Variants in NOX3 observed in about 807,000 individuals in gnomAD.
The protein encoded by NOX3 is NADPH oxidase catalytic subunit-like 3.
A neutral mutation model predicts 76.7 loss-of-function variants in NOX3; 74 were observed. The ratio of observed to expected loss-of-function variants is 0.96; its 90% CI spans 0.80 to 1.17. The LOEUF is 1.17. Among genes scored for constraint, NOX3 ranks in the 50% most tolerant of loss-of-function variants. The pLI is 0.00. For synonymous variants in NOX3, 263 were observed against 261.1 expected (o/e 1.01, Z -0.07); for missense variants, 695 against 703.3 (o/e 0.99, Z 0.13).
rs755788943 is a variant in NOX3 at position 155,455,119 on chromosome 6, A to G, written c.59T>C (p.Leu20Pro). 13 of 1,608,034 alleles carry G rather than the reference A, an allele frequency of 8.1e-6. No individual in the cohort carries two copies. In the South Asian group the frequency reaches 1.4e-4, roughly 18 times the overall value. ...GLSTILVLSW[L>P]GINFYLFIDT... The stretch of plus-strand genomic sequence containing the variant: ...AATAAACAGATAAAAATTTATTCCC[A>G]GCCATGAGAGCTAGAGTAGAAAGGA... Residue 20 changes from leucine to proline, a missense_variant, in exon 2 of 14, where the codon CTG becomes CCG. Transcript: ENST00000159060.
At chr6:155,427,310 C>T (rs989375294) in intron 9 of NOX3, among the ~76,000 whole-genome samples, 3 of 152,128 alleles carry the variant, frequency 2.0e-5, no homozygotes, top group Middle Eastern at 3.2e-3. Flanking sequence ...GGTGCAGTTA[C>T]AGCTCAGTAG....
At chr6:155,407,008 TA>T in intron 12 of NOX3, 121 bp downstream of exon 12, 1 of 1,077,662 alleles carries the variant, frequency 9.3e-7, no homozygotes, top group Non-Finnish European at 1.4e-6. Context: ...TCACCTTTTC[TA>T]AGGTAGATGT....
Position 155,439,991 on chromosome 6 carries a change from G to A in NOX3, c.633C>T (p.Ile211=), listed in dbSNP as rs1027952145. 16 of 1,613,830 alleles carry A rather than the reference G, an allele frequency of 9.9e-6. No individual in the cohort carries two copies. In the African/African-American group the frequency reaches 1.1e-4, roughly 11 times the overall value. Residue 211 remains isoleucine, a synonymous_variant, in exon 6 of 14, where the codon ATC becomes ATT. Transcript: ENST00000159060. The part of the protein sequence containing the change: ...ELFWYTHHVF[I]VFFLSLAIHG... ...GGATGGCCAGGCTGAGAAAGAAGAC[G>A]ATGAAAACATGGTGTGTGTACCAGA... is the stretch of plus-strand genomic sequence containing the variant.
At chr6:155,418,852 TG>T (rs1383207691) in intron 10 of NOX3, among the ~76,000 whole-genome samples, 38 of 152,258 alleles carry the variant, frequency 2.5e-4, no homozygotes, top group Non-Finnish European at 7.3e-5. Flanking sequence ...TTGAGTTTTG[TG>T]TGTAAAAATG....
chr6:155,454,988 A>G (rs1777194529), intron 2 of NOX3, 46 bp downstream of exon 2: 2 of 1,577,426 alleles, frequency 1.3e-6, no homozygotes, highest in Admixed American at 1.7e-5. Context: ...AATAAAATGC[A>G]TTTTGTTTTC....
At chr6:155,395,846 A>G (rs975316362) in intron 13 of NOX3, among the ~76,000 whole-genome samples, 6 of 152,194 alleles carry the variant, frequency 3.9e-5, no homozygotes, top group African/African-American at 9.6e-5. Context: ...GAGTAGGAGT[A>G]TAAGTGTTAA....
intron 10 of NOX3, among the ~76,000 whole-genome samples, chr6:155,414,962 T>C (rs1776606058): frequency 6.6e-6 from 1 of 152,150 alleles, no homozygotes; most frequent in Non-Finnish European, 1.5e-5. Flanking sequence ...CCTAGATGTT[T>C]TGGGAGACCA....
intron 13 of NOX3, among the ~76,000 whole-genome samples, chr6:155,396,077 T>C (rs1437103709): frequency 6.6e-6 from 1 of 152,118 alleles, no homozygotes; most frequent in Non-Finnish European, 1.5e-5. Context: ...TGTGAAGAGA[T>C]GGAATTGAAT....
intron 4 of NOX3, among the ~76,000 whole-genome samples, chr6:155,448,897 C>T (rs928419898): frequency 6.6e-6 from 1 of 152,140 alleles, no homozygotes; most frequent in African/African-American, 2.4e-5. Context: ...GGCTCTGCTT[C>T]TGCAGCCAGA....
intron 9 of NOX3, among the ~76,000 whole-genome samples, chr6:155,427,706 G>A (rs989158308): frequency 1.3e-5 from 2 of 152,146 alleles, no homozygotes; most frequent in African/African-American, 4.8e-5. Flanking sequence ...TTCCAAAAAT[G>A]TTTTTCTCAT....
At chr6:155,450,533 A>T (rs1289821250) in intron 4 of NOX3, among the ~76,000 whole-genome samples, 1 of 152,158 alleles carries the variant, frequency 6.6e-6, no homozygotes, top group Admixed American at 6.5e-5. Context: ...AAGAGGCGTA[A>T]GGCACAGGCT....
intron 10 of NOX3, among the ~76,000 whole-genome samples, chr6:155,419,280 T>C (rs972556764): frequency 6.6e-6 from 1 of 152,240 alleles, no homozygotes; most frequent in Non-Finnish European, 1.5e-5. Context: ...GGATCTGAAC[T>C]GTAATTTTCA....
rs73567339 is a variant in NOX3, at chr6:155,434,785, G to T, written c.798+1633C>A. On this transcript the variant is annotated intron_variant, in intron 7 of 13. Transcript: ENST00000159060. ...TAAGACAAGTAGGGGAGGAGGGACT[G>T]CCGGGTATAGTTGGTTTCTTTAATC... 5.7e-3 allele frequency among the ~76,000 whole-genome samples: 870 copies of T among 152,302 alleles called. 4 individuals carry two copies. Among genetic ancestry groups the T allele is most frequent in the African/African-American group, 0.02 (824 of 41,554 alleles).
rs1412514083 is a variant in NOX3, at chr6:155,395,580, C to A, written c.*28-6G>T. 6.6e-6 allele frequency: 1 copy of A among 152,088 alleles called. No individual in the cohort carries two copies. The allele number at this position is 152,088 out of a possible 1,614,324, so 9.4% of individuals were successfully genotyped here. A position where few individuals can be genotyped will look rare whatever the true frequency, so the allele number is the denominator to read the frequency against. On this transcript the variant is annotated splice_region_variant and splice_polypyrimidine_tract_variant and intron_variant, in intron 13 of 13. Coordinates refer to ENST00000159060, the MANE Select transcript of NOX3 (RefSeq NM_015718.3). ...TCAATAACTTGATTGAAAACCTAAA[C>A]AAAAGATTTGAGATATTATCAGTGA... is the stretch of plus-strand genomic sequence containing the variant.
intron 10 of NOX3, among the ~76,000 whole-genome samples, chr6:155,413,768 G>A (rs1776586228): frequency 6.6e-6 from 1 of 151,980 alleles, no homozygotes; most frequent in African/African-American, 2.4e-5. Flanking sequence ...CTCAGAGTTG[G>A]CATTGGGCAT....
chr6:155,420,909 G>T (rs1274417494), intron 10 of NOX3, among the ~76,000 whole-genome samples: 1 of 152,066 alleles, frequency 6.6e-6, no homozygotes, highest in Non-Finnish European at 1.5e-5. Context: ...CATTTCTATG[G>T]TAATATTTCC....
chr6:155,405,159 C>A, intron 12 of NOX3, among the ~76,000 whole-genome samples: 1 of 152,116 alleles, frequency 6.6e-6, no homozygotes. Flanking sequence ...GGCAGAAATG[C>A]AAGGACTGAG....
intron 11 of NOX3, among the ~76,000 whole-genome samples, chr6:155,410,296 A>C (rs1297524461): frequency 6.7e-6 from 1 of 149,346 alleles, no homozygotes; most frequent in Admixed American, 6.7e-5. Context: ...CTATAAGGCC[A>C]GTGTGTGTGT....
At chr6:155,432,159 G>A (rs1318294912) in intron 7 of NOX3, among the ~76,000 whole-genome samples, 6 of 151,698 alleles carry the variant, frequency 4.0e-5, no homozygotes, top group Non-Finnish European at 8.8e-5. Flanking sequence ...ATAAGGTCAG[G>A]GTAAATTACT....
Sources: gnomAD v4.1 joint callset for allele counts (sites outside exome capture counted in the v4.1 genomes callset) on GRCh38, gnomAD v4.1.1 for gene constraint, MANE v1.5 for transcripts, NCBI Gene and HGNC (gene_info 2026-07-23, HGNC 2026-07-21) for gene names.